The following KANSL1L variants were observed in gnomAD, a reference collection of about 807,000 sequenced individuals.
KANSL1L encodes the protein KAT8 regulatory NSL complex subunit 1 like.
Under a neutral mutation model 108.6 loss-of-function variants are expected in KANSL1L, and 25 were observed. The observed-to-expected ratio is 0.23, with a 90% CI of 0.17 to 0.32. KANSL1L has a LOEUF of 0.32. Among genes scored for constraint, KANSL1L ranks in the 10% least tolerant of loss-of-function variants. The pLI is 1.00. For synonymous variants in KANSL1L, 405 were observed against 395.1 expected (o/e 1.03, Z -0.30); for missense variants, 1,137 against 1,125.7 (o/e 1.01, Z -0.14).
At chr2:210,150,234 C>T (rs1235549936) in intron 2 of KANSL1L, among the ~76,000 whole-genome samples, 1 of 152,102 alleles carries the variant, frequency 6.6e-6, no homozygotes, top group African/African-American at 2.4e-5. Context: ...GAGAAATAAA[C>T]TTTTCAAACC....
chr2:210,111,128 TTAAAA>T (rs2094900299), intron 3 of KANSL1L, among the ~76,000 whole-genome samples: 1 of 150,698 alleles, frequency 6.6e-6, no homozygotes, highest in Non-Finnish European at 1.5e-5. Context: ...ATAAAAGAAA[TTAAAA>T]CAAATGAATG....
intron 3 of KANSL1L, among the ~76,000 whole-genome samples, chr2:210,104,960 A>G (rs1222478974): frequency 4.6e-5 from 7 of 152,240 alleles, no homozygotes; most frequent in Non-Finnish European, 8.8e-5. Flanking sequence ...CTGAAATGTA[A>G]GGAACTGGGG....
chr2:210,169,150 A>C (rs991607455), intron 1 of KANSL1L, among the ~76,000 whole-genome samples: 8 of 152,258 alleles, frequency 5.3e-5, no homozygotes, highest in Admixed American at 1.3e-4. Context: ...AGCCTTAAAA[A>C]ACACACACAC....
chr2:210,142,921 A>G (rs1313353549), intron 2 of KANSL1L, among the ~76,000 whole-genome samples: 2 of 152,116 alleles, frequency 1.3e-5, no homozygotes, highest in Non-Finnish European at 2.9e-5. Flanking sequence ...GTGTATTACA[A>G]TGTTGGATGG....
At chr2:210,081,693 A>G (rs566534468) in intron 5 of KANSL1L, among the ~76,000 whole-genome samples, 6 of 152,318 alleles carry the variant, frequency 3.9e-5, no homozygotes, top group Non-Finnish European at 7.4e-5. Flanking sequence ...GAATGGAGAA[A>G]TACTGTACAT....
chr2:210,102,151 T>C (rs2094799752), intron 4 of KANSL1L, among the ~76,000 whole-genome samples: 1 of 152,202 alleles, frequency 6.6e-6, no homozygotes, highest in Admixed American at 6.5e-5. Context: ...CTGGTCTATA[T>C]CTCTGTTTTG....
intron 1 of KANSL1L, among the ~76,000 whole-genome samples, chr2:210,159,070 A>T (rs2095348305): frequency 6.6e-6 from 1 of 152,220 alleles, no homozygotes; most frequent in South Asian, 2.1e-4. Context: ...GCAACAAATA[A>T]CCTGGTGAGA....
At chr2:210,155,736 T>G (rs1048522687) in intron 1 of KANSL1L, among the ~76,000 whole-genome samples, 3 of 152,196 alleles carry the variant, frequency 2.0e-5, no homozygotes, top group African/African-American at 7.2e-5. Flanking sequence ...GCTGAATAGT[T>G]TGTAAAATAA....
intron 5 of KANSL1L, chr2:210,096,857 TA>T: frequency 1.3e-6 from 1 of 745,852 alleles, no homozygotes; most frequent in Non-Finnish European, 1.6e-6. Flanking sequence ...TCAACATAAA[TA>T]AAATAGTAAA....
intron 5 of KANSL1L, among the ~76,000 whole-genome samples, chr2:210,076,085 A>G (rs1372737356): frequency 1.3e-5 from 2 of 152,220 alleles, no homozygotes; most frequent in Non-Finnish European, 2.9e-5. Flanking sequence ...AACTATTTAC[A>G]CAAAATTCTT....
chr2:210,143,935 G>A (rs973406665), intron 2 of KANSL1L, among the ~76,000 whole-genome samples: 1 of 152,056 alleles, frequency 6.6e-6, no homozygotes, highest in African/African-American at 2.4e-5. Context: ...ACTTTCATAT[G>A]TTTTCATGTT....
At chr2:210,065,624 C>T (rs1407552763) in intron 6 of KANSL1L, among the ~76,000 whole-genome samples, 1 of 139,086 alleles carries the variant, frequency 7.2e-6, no homozygotes, top group Non-Finnish European at 1.5e-5. Flanking sequence ...TTTGCTCTGC[C>T]ATCCAGGCTA....
chr2:210,104,047 T>C, intron 4 of KANSL1L, 57 bp downstream of exon 4: 1 of 1,351,000 alleles, frequency 7.4e-7, no homozygotes, highest in Non-Finnish European at 1.1e-6. Context: ...ATTTGAATAG[T>C]TTACAAAATC....
chr2:210,046,699 G>C (rs549280219), intron 6 of KANSL1L, among the ~76,000 whole-genome samples: 2 of 152,224 alleles, frequency 1.3e-5, no homozygotes, highest in South Asian at 4.1e-4. Flanking sequence ...CTTCCAGGTG[G>C]TTATTCTGCC....
At chr2:210,095,891 A>G (rs1559551831) in intron 5 of KANSL1L, among the ~76,000 whole-genome samples, 1 of 152,162 alleles carries the variant, frequency 6.6e-6, no homozygotes, top group East Asian at 1.9e-4. Flanking sequence ...GGGAAAATAA[A>G]TGCTTTTTGA....
intron 8 of KANSL1L, among the ~76,000 whole-genome samples, chr2:210,033,695 ATTTTT>A (rs10679778): frequency 9.8e-5 from 13 of 133,014 alleles, no homozygotes; most frequent in African/African-American, 3.4e-4. Context: ...ACGCCCGGCT[ATTTTT>A]TTTTTTTTTT....
At chr2:210,150,911 A>G (rs927725791) in intron 2 of KANSL1L, among the ~76,000 whole-genome samples, 7 of 152,220 alleles carry the variant, frequency 4.6e-5, no homozygotes, top group Non-Finnish European at 8.8e-5. Flanking sequence ...GCATAGGACA[A>G]AACACAATTT....
intron 11 of KANSL1L, 102 bp downstream of exon 11, chr2:210,028,743 G>T: frequency 1.2e-6 from 1 of 863,572 alleles, no homozygotes. Flanking sequence ...TGAAGGAACT[G>T]GGAGAAGGAT....
At chr2:210,140,041 T>G (rs560394285) in intron 2 of KANSL1L, among the ~76,000 whole-genome samples, 24 of 152,324 alleles carry the variant, frequency 1.6e-4, no homozygotes, top group African/African-American at 5.5e-4. Flanking sequence ...TTATTTGTTT[T>G]CTTACTATTG....
Sources: gnomAD v4.1 joint callset for allele counts (sites outside exome capture counted in the v4.1 genomes callset) on GRCh38, gnomAD v4.1.1 for gene constraint, MANE v1.5 for transcripts, NCBI Gene and HGNC (gene_info 2026-07-23, HGNC 2026-07-21) for gene names.